Variants in CNTN5 observed in about 807,000 individuals in gnomAD.
CNTN5 encodes contactin 5, also known as contactin-5.
In CNTN5, 77 loss-of-function variants were observed where a neutral mutation model predicts 129.1. That is an observed-to-expected ratio of 0.60 (90% CI 0.50 to 0.72). The LOEUF is 0.72. CNTN5 is among the 30% of genes least tolerant of loss of function. CNTN5 has a pLI of 0.00. For missense variants in CNTN5, 1,478 were observed against 1,328.8 expected (o/e 1.11, Z -1.75); for synonymous variants, 509 against 465.6 (o/e 1.09, Z -1.20).
At chr11:99,414,501 A>G (rs560780020) in intron 2 of CNTN5, among the ~76,000 whole-genome samples, 1 of 152,046 alleles carries the variant, frequency 6.6e-6, no homozygotes, top group African/African-American at 2.4e-5. Context: ...AAGAATATAT[A>G]TATACATTCT....
chr11:99,601,816 C>T (rs1032846673), intron 3 of CNTN5, among the ~76,000 whole-genome samples: 2 of 152,182 alleles, frequency 1.3e-5, no homozygotes, highest in Non-Finnish European at 2.9e-5. Context: ...CCATAAAAGA[C>T]TGTGTATGCT....
intron 6 of CNTN5, among the ~76,000 whole-genome samples, chr11:99,857,099 T>C (rs141145169): frequency 1.3e-5 from 2 of 148,842 alleles, no homozygotes; most frequent in African/African-American, 4.9e-5. Context: ...TGTCTCTGTC[T>C]TTCTGTCTGT....
intron 2 of CNTN5, among the ~76,000 whole-genome samples, chr11:99,505,576 C>T (rs1354330644): frequency 6.6e-6 from 1 of 152,138 alleles, no homozygotes; most frequent in Non-Finnish European, 1.5e-5. Context: ...GAATTTGTTA[C>T]ACAAGATAAA....
At chr11:100,250,065 T>A (rs1227410670) in intron 16 of CNTN5, among the ~76,000 whole-genome samples, 1 of 152,090 alleles carries the variant, frequency 6.6e-6, no homozygotes, top group Non-Finnish European at 1.5e-5. Flanking sequence ...AGATTTACCA[T>A]CATTTAGAAA....
At chr11:99,570,399 C>A (rs1284618005) in intron 3 of CNTN5, among the ~76,000 whole-genome samples, 1 of 152,140 alleles carries the variant, frequency 6.6e-6, no homozygotes, top group African/African-American at 2.4e-5. Context: ...ATGGTTCAGT[C>A]GTTCTTCTAA....
At chr11:99,669,611 A>G (rs1340887561) in intron 3 of CNTN5, among the ~76,000 whole-genome samples, 2 of 152,024 alleles carry the variant, frequency 1.3e-5, no homozygotes, top group South Asian at 2.1e-4. Flanking sequence ...TGTTTGATAT[A>G]TTTTTCTAGA....
At chr11:99,304,226 T>A (rs1864773635) in intron 1 of CNTN5, among the ~76,000 whole-genome samples, 1 of 152,164 alleles carries the variant, frequency 6.6e-6, no homozygotes, top group African/African-American at 2.4e-5. Flanking sequence ...CCTGGTAATC[T>A]AATGCCCCCA....
intron 1 of CNTN5, chr11:99,049,458 A>G (rs1591105221): frequency 6.6e-6 from 1 of 152,188 alleles, no homozygotes; most frequent in Non-Finnish European, 1.5e-5. Flanking sequence ...CTCCAGACAT[A>G]TAACAAAAAT....
chr11:99,200,558 T>C (rs559863070), intron 1 of CNTN5, among the ~76,000 whole-genome samples: 1 of 152,320 alleles, frequency 6.6e-6, no homozygotes, highest in South Asian at 2.1e-4. Context: ...TGCACGCATA[T>C]GCAGCCTGTT....
chr11:99,423,931 T>A (rs1565570427), intron 2 of CNTN5, among the ~76,000 whole-genome samples: 1 of 152,154 alleles, frequency 6.6e-6, no homozygotes, highest in Admixed American at 6.5e-5. Flanking sequence ...CGTTTAGGTT[T>A]GAATGATATT....
At chr11:99,482,310 G>T (rs897521102) in intron 2 of CNTN5, among the ~76,000 whole-genome samples, 15 of 152,120 alleles carry the variant, frequency 9.9e-5, no homozygotes, top group African/African-American at 1.4e-4. Flanking sequence ...TTTGAAAGCT[G>T]CAAAGAACAG....
intron 2 of CNTN5, among the ~76,000 whole-genome samples, chr11:99,370,967 A>G (rs1939783506): frequency 6.6e-6 from 1 of 152,210 alleles, no homozygotes; most frequent in South Asian, 2.1e-4. Flanking sequence ...CTTGATTTCC[A>G]GCAGCTGTCA....
chr11:99,990,449 T>C (rs908119104), intron 8 of CNTN5, among the ~76,000 whole-genome samples: 2,364 of 75,532 alleles, frequency 0.031, 66 homozygotes, highest in African/African-American at 0.11. Flanking sequence ...TTAGAATATA[T>C]ATATATACAC....
chr11:99,151,220 C>G (rs1860036523), intron 1 of CNTN5, among the ~76,000 whole-genome samples: 1 of 151,508 alleles, frequency 6.6e-6, no homozygotes, highest in Admixed American at 6.6e-5. Flanking sequence ...TTAAGGTCTC[C>G]TTTTTTAAGT....
intron 1 of CNTN5, among the ~76,000 whole-genome samples, chr11:99,230,353 C>A (rs1465609487): frequency 1.3e-5 from 2 of 151,780 alleles, no homozygotes; most frequent in African/African-American, 4.8e-5. Context: ...TGAAATCTGA[C>A]CTTTTGATTT....
intron 2 of CNTN5, among the ~76,000 whole-genome samples, chr11:99,374,657 C>A (rs1373860521): frequency 1.3e-5 from 2 of 151,988 alleles, no homozygotes; most frequent in African/African-American, 4.8e-5. Context: ...GCACTCCAGC[C>A]TGGGCGACAG....
intron 2 of CNTN5, among the ~76,000 whole-genome samples, chr11:99,446,975 G>A (rs1275196261): frequency 2.0e-5 from 3 of 152,040 alleles, no homozygotes; most frequent in South Asian, 2.1e-4. Flanking sequence ...GCTTTTTCAT[G>A]TTTTGAGGCG....
intron 6 of CNTN5, among the ~76,000 whole-genome samples, chr11:99,876,555 T>G (rs1305810369): frequency 6.6e-6 from 1 of 152,206 alleles, no homozygotes; most frequent in African/African-American, 2.4e-5. Context: ...TCTGAATACA[T>G]GTACATTTAT....
At chr11:99,784,150 C>CTAT (rs1000766576) in intron 3 of CNTN5, among the ~76,000 whole-genome samples, 7 of 151,938 alleles carry the variant, frequency 4.6e-5, no homozygotes, top group African/African-American at 1.2e-4. Flanking sequence ...GAACTTTTTA[C>CTAT]TATTATTATT....
Sources: gnomAD v4.1 joint callset for allele counts (sites outside exome capture counted in the v4.1 genomes callset) on GRCh38, gnomAD v4.1.1 for gene constraint, MANE v1.5 for transcripts, NCBI Gene and HGNC (gene_info 2026-07-23, HGNC 2026-07-21) for gene names.